NACC1: variants seen among roughly 807,000 people sequenced by gnomAD.
NACC1 encodes the protein nucleus accumbens-associated protein 1.
In NACC1, 6 loss-of-function variants were observed where a neutral mutation model predicts 41.7. The ratio of observed to expected loss-of-function variants is 0.14; its 90% CI spans 0.08 to 0.28. NACC1 has a LOEUF of 0.28. Among genes scored for constraint, NACC1 ranks in the 10% least tolerant of loss-of-function variants. The pLI is 1.00. For synonymous variants in NACC1, 338 were observed against 330.6 expected, an observed-to-expected ratio of 1.02 and a Z score of -0.24; for missense variants, 434 against 763.7, an observed-to-expected ratio of 0.57 and a Z score of 5.09.
At chr19:13,126,546 A>C (rs1299344216) in intron 1 of NACC1, among the ~76,000 whole-genome samples, 1 of 152,082 alleles carries the variant, frequency 6.6e-6, no homozygotes, top group Non-Finnish European at 1.5e-5. Flanking sequence ...TCTCTTCCCT[A>C]AGAGCTGACA....
chr19:13,119,002 C>T (rs1187579831), intron 1 of NACC1, among the ~76,000 whole-genome samples: 1 of 145,526 alleles, frequency 6.9e-6, no homozygotes, highest in East Asian at 2.0e-4. Context: ...GGCGGAGTTA[C>T]TTCGTGTGGG....
chr19:13,128,105 G>C (rs893292454), intron 1 of NACC1, among the ~76,000 whole-genome samples: 1 of 152,174 alleles, frequency 6.6e-6, no homozygotes, highest in African/African-American at 2.4e-5. Flanking sequence ...CACAGGTTTT[G>C]GGAAGGACTG....
chr19:13,136,197 C>T lies in NACC1; in HGVS notation c.947-35C>T, dbSNP rs1182067077. The T allele has an allele frequency of 1.9e-6, 3 of 1,604,098 alleles. No homozygotes were observed. The highest frequency in any genetic ancestry group is 2.6e-6 in the Non-Finnish European group (3 of 1,174,206). Reference sequence around the variant, plus strand: ...CCCCATCCCACCAGCCACCCCTGCTCCTCCTGCCACTCGCGTGCCACTCTC... The same window carrying T: ...CCCCATCCCACCAGCCACCCCTGCTTCTCCTGCCACTCGCGTGCCACTCTC... On this transcript the variant is annotated intron_variant, in intron 2 of 5. Coordinates refer to ENST00000292431, the MANE Select transcript of NACC1 (RefSeq NM_052876.4). This position sits in a 1 kb window ranked among gnomAD's most constrained non-coding sequence, Gnocchi z 5.5.
rs34032574 is a variant in NACC1 at position 13,130,535 on chromosome 19, C to CTT, written c.-8-4648_-8-4647dup. 6.9e-4 allele frequency among the ~76,000 whole-genome samples: 89 copies of CTT among 128,588 alleles called. 1 individual carries two copies. The highest frequency in any genetic ancestry group is 4.1e-3 in the Middle Eastern group (1 of 242). 84.4% of individuals were successfully genotyped at this position (128,588 alleles called of 152,430 possible). On this transcript the variant is annotated intron_variant, in intron 1 of 5. Transcript: ENST00000292431. ...TGTACATACACCTCTTTTTTCTTTT[C>CTT]TTTTTTTTTTTTTTTTTTGAGATGG...
intron 1 of NACC1, among the ~76,000 whole-genome samples, chr19:13,131,143 CA>C (rs1423424257): frequency 2.0e-5 from 3 of 152,204 alleles, no homozygotes; most frequent in African/African-American, 7.2e-5. Flanking sequence ...CCTCACTAGA[CA>C]GCTCCACATA....
At position 13,135,398 on chromosome 19, in the gene NACC1, G is replaced by T; in HGVS notation, c.191G>T (p.Ser64Ile). Residue 64 changes from serine (S) to isoleucine (I), a missense_variant, in exon 2 of 6, where the codon AGC becomes ATC. Physicochemically the swap from Ser to Ile is moderately radical, Grantham distance 142. This residue lies in a region of NACC1 where 67 missense variants were observed against 180.1 expected (regional missense o/e 0.37). Coordinates refer to ENST00000292431, the MANE Select transcript of NACC1 (RefSeq NM_052876.4). ...CGGGACCTGTTCAACAACAGCCGCAGCGCCGTGGTGGAGCTGCCGGCGGCT... is the reference window on the plus strand; with the variant it reads ...CGGGACCTGTTCAACAACAGCCGCATCGCCGTGGTGGAGCTGCCGGCGGCT... ...YFRDLFNNSR[S>I]AVVELPAAVQ... 1 of 1,613,482 alleles carries T rather than the reference G, an allele frequency of 6.2e-7. No homozygotes were observed. Among genetic ancestry groups the T allele is most frequent in the Non-Finnish European group, 8.5e-7 (1 of 1,179,942 alleles).
chr19:13,120,220 A>G (rs1382888918), intron 1 of NACC1, among the ~76,000 whole-genome samples: 1 of 152,096 alleles, frequency 6.6e-6, no homozygotes, highest in Non-Finnish European at 1.5e-5. Flanking sequence ...CTGGGAGCCA[A>G]GAGGTCAGGA....
intron 1 of NACC1, among the ~76,000 whole-genome samples, chr19:13,127,428 G>A (rs1448998064): frequency 1.5e-5 from 2 of 129,532 alleles, no homozygotes; most frequent in East Asian, 2.2e-4. Flanking sequence ...CGGGTGCCGT[G>A]GCTCACGCCT....
intron 1 of NACC1, among the ~76,000 whole-genome samples, chr19:13,131,040 G>T (rs1198880047): frequency 2.0e-5 from 3 of 152,046 alleles, no homozygotes; most frequent in Non-Finnish European, 4.4e-5. Flanking sequence ...CTCTGTCCTG[G>T]CAGTTGCTCA....
chr19:13,124,686 T>TG (rs2145613628), intron 1 of NACC1, among the ~76,000 whole-genome samples: 1 of 152,318 alleles, frequency 6.6e-6, no homozygotes, highest in East Asian at 1.9e-4. Context: ...TGAAGGACTG[T>TG]GGGGCTCTCT....
chr19:13,120,478 G>C (rs2145609434), intron 1 of NACC1, among the ~76,000 whole-genome samples: 1 of 152,296 alleles, frequency 6.6e-6, no homozygotes, highest in Admixed American at 6.5e-5. Context: ...GCCAGTTCTG[G>C]GTTTAATGAT....
At position 13,138,384 on chromosome 19, in the gene NACC1, C is replaced by T. The variant is rs558065185; in HGVS notation, c.1562C>T (p.Pro521Leu). Reference protein sequence around the residue: ...ETASHEGEAGPSAEALQ With the variant: ...ETASHEGEAGLSAEALQ ...GCCAGCCACGAGGGCGAGGCGGGTC[C>T]CTCGGCTGAAGCCCTGCAGTAACCC... The change falls in exon 6 of 6, where the codon CCC (proline) becomes CTC (leucine). Residue 521 changes from proline to leucine, a missense_variant. This residue lies in a region of NACC1 where 63 missense variants were observed against 68.4 expected (regional missense o/e 0.92). Transcript: ENST00000292431. The surrounding 1 kb of genome is among the most constrained non-coding windows in gnomAD (Gnocchi z 5.7). 2 of 1,612,026 alleles carry T rather than the reference C, an allele frequency of 1.2e-6. No individual in the cohort carries two copies. The highest frequency in any genetic ancestry group is 1.3e-5 in the African/African-American group (1 of 75,016).
In NACC1 at chr19:13,137,433, A is replaced by C. The variant is rs2019722659; in HGVS notation, c.1227-45A>C. The C allele has an allele frequency of 2.5e-6, 4 of 1,605,508 alleles. No individual in the cohort carries two copies. The highest frequency in any genetic ancestry group is 3.4e-6 in the Non-Finnish European group (4 of 1,173,434). ...GGTGGGGTTTCCCCATGTCCCCCCC[A>C]CCACCAACTTGAGCGCTGACTCCCT... On this transcript the variant is annotated intron_variant, in intron 4 of 5. Transcript: ENST00000292431. This position sits in a 1 kb window ranked among gnomAD's most constrained non-coding sequence, Gnocchi z 6.1.
rs1342128611 is a variant in NACC1, at chr19:13,137,468, C to T, written c.1227-10C>T. The T allele has an allele frequency of 2.4e-5, 39 of 1,608,254 alleles. No individual in the cohort carries two copies. Among genetic ancestry groups the T allele is most frequent in the Non-Finnish European group, 3.1e-5 (37 of 1,177,616 alleles). On this transcript the variant is annotated splice_polypyrimidine_tract_variant and intron_variant, in intron 4 of 5. Coordinates refer to ENST00000292431, the MANE Select transcript of NACC1 (RefSeq NM_052876.4). This position sits in a 1 kb window ranked among gnomAD's most constrained non-coding sequence, Gnocchi z 6.1. The stretch of plus-strand genomic sequence containing the variant: ...TGAGCGCTGACTCCCTCCATGTCCC[C>T]TGCCCCCAGGAACACGCTGGCCAAC...
intron 1 of NACC1, among the ~76,000 whole-genome samples, chr19:13,133,677 A>T (rs147605945): frequency 6.6e-6 from 1 of 152,322 alleles, no homozygotes; most frequent in East Asian, 1.9e-4. Context: ...CCATCCGCAG[A>T]TGGACGTTTG....
chr19:13,134,734 C>T (rs989589590), intron 1 of NACC1, among the ~76,000 whole-genome samples: 1 of 152,212 alleles, frequency 6.6e-6, no homozygotes, highest in African/African-American at 2.4e-5. Context: ...ATGTGCCCAG[C>T]ACTGCAGACT....
chr19:13,119,516 C>T (rs931084224), intron 1 of NACC1, among the ~76,000 whole-genome samples: 4 of 152,152 alleles, frequency 2.6e-5, no homozygotes, highest in African/African-American at 7.2e-5. Flanking sequence ...CATTCTTTCT[C>T]TACCTTTTGT....
In NACC1 at chr19:13,136,085, T is replaced by G; in HGVS notation, c.878T>G (p.Met293Arg). Residue 293 changes from methionine to arginine, a missense_variant, in exon 2 of 6, where the codon ATG becomes AGG. Met to Arg is a moderately conservative substitution (Grantham distance 91, BLOSUM62 -1). This residue lies in a region of NACC1 where 234 missense variants were observed against 308.3 expected (regional missense o/e 0.76). Transcript: ENST00000292431. The surrounding 1 kb of genome is among the most constrained non-coding windows in gnomAD (Gnocchi z 5.5). ...GAGGAGGATGGTGGCGAGGAGGGCA[T>G]GGATGAGCAGTACCGGCAGATCTGC... is the stretch of plus-strand genomic sequence containing the variant. ...DEEEDGGEEG[M>R]DEQYRQICNM... The G allele has an allele frequency of 6.2e-7, 1 of 1,614,056 alleles. No homozygotes were observed. Among genetic ancestry groups the G allele is most frequent in the Non-Finnish European group, 8.5e-7 (1 of 1,180,016 alleles).
At chr19:13,123,091 C>T (rs1415069575) in intron 1 of NACC1, among the ~76,000 whole-genome samples, 1 of 152,072 alleles carries the variant, frequency 6.6e-6, no homozygotes, top group Admixed American at 6.6e-5. Context: ...AATCTTAGGT[C>T]CTGCGTGGTT....
Sources: allele counts gnomAD v4.1 joint callset (sites outside exome capture counted in the v4.1 genomes callset), GRCh38; gene constraint gnomAD v4.1.1; regional missense constraint gnomAD v4.1.1; non-coding constraint Gnocchi (gnomAD v3.1); transcripts MANE v1.5; gene names NCBI Gene and HGNC (gene_info 2026-07-23, HGNC 2026-07-21).